The following MLLT10 variants were observed in gnomAD, a reference collection of about 807,000 sequenced individuals.
MLLT10 encodes the protein protein AF-10.
Under a neutral mutation model 129.1 loss-of-function variants are expected in MLLT10, and 30 were observed. The observed-to-expected ratio is 0.23, with a 90% CI of 0.17 to 0.32. MLLT10 has a LOEUF of 0.32. Ranked by LOEUF, MLLT10 falls within the 10% of genes least tolerant of loss-of-function variation. MLLT10 has a pLI of 1.00. For synonymous variants in MLLT10, 490 were observed against 446.4 expected, an observed-to-expected ratio of 1.10 and a Z score of -1.23; for missense variants, 1,119 against 1,268.3, an observed-to-expected ratio of 0.88 and a Z score of 1.79.
At chr10:21,548,771 A>G (rs933615135) in intron 3 of MLLT10, among the ~76,000 whole-genome samples, 28 of 152,090 alleles carry the variant, frequency 1.8e-4, no homozygotes, top group African/African-American at 6.5e-4. Context: ...GTAAATTTCT[A>G]GAATTTTTGT....
chr10:21,709,543 T>C (rs903642050), intron 13 of MLLT10, among the ~76,000 whole-genome samples: 1 of 152,254 alleles, frequency 6.6e-6, no homozygotes, highest in African/African-American at 2.4e-5. Flanking sequence ...AGTATTTTAT[T>C]TTCTAAGATA....
chr10:21,535,233 T>C (rs1014656609), intron 2 of MLLT10, among the ~76,000 whole-genome samples: 2 of 152,060 alleles, frequency 1.3e-5, no homozygotes, highest in African/African-American at 4.8e-5. Flanking sequence ...TGCAGCCGCC[T>C]GTCTGCCGCA....
chr10:21,625,869 A>C (rs542890860), intron 8 of MLLT10: 4 of 779,652 alleles, frequency 5.1e-6, no homozygotes, highest in Admixed American at 3.4e-5. Flanking sequence ...CGTAGATCCC[A>C]AATGGGACTG....
At chr10:21,539,993 A>C (rs1047872629) in intron 3 of MLLT10, among the ~76,000 whole-genome samples, 1 of 151,588 alleles carries the variant, frequency 6.6e-6, no homozygotes. Context: ...AGTGACTCAC[A>C]CCTGTAATCC....
chr10:21,741,576 T>TA (rs1379025816), intron 22 of MLLT10, among the ~76,000 whole-genome samples: 1 of 152,138 alleles, frequency 6.6e-6, no homozygotes, highest in Admixed American at 6.5e-5. Context: ...CAAGGACAAA[T>TA]AGCAAATGTG....
chr10:21,704,549 C>T (rs916969394), intron 13 of MLLT10, among the ~76,000 whole-genome samples: 2 of 147,196 alleles, frequency 1.4e-5, no homozygotes, highest in Non-Finnish European at 3.0e-5. Flanking sequence ...TTTTTAAAAA[C>T]TTTTTAATGG....
Position 21,742,272 on chromosome 10 carries a change from C to A in MLLT10, c.*289C>A, listed in dbSNP as rs902069518. On this transcript the variant is annotated 3_prime_UTR_variant, in exon 23 of 23. Transcript: ENST00000307729. ...CATAATTTACATGCAATATGTTTAT[C>A]AACTCAAGAATTTAATATAGTTGGT... The A allele has an allele frequency of 2.1e-5, 7 of 339,494 alleles. No individual in the cohort carries two copies. The highest frequency in any genetic ancestry group is 3.7e-5 in the Non-Finnish European group (7 of 188,286). 21.0% of individuals were successfully genotyped at this position (339,494 alleles called of 1,614,324 possible).
At position 21,732,928 on chromosome 10, in the gene MLLT10, C is replaced by T. The variant is rs760399634; in HGVS notation, c.2248C>T (p.Leu750Phe). Residue 750 changes from leucine to phenylalanine, a missense_variant, in exon 18 of 23, where the codon CTT becomes TTT. By Grantham distance (22) the Leu-to-Phe change is conservative. Coordinates refer to ENST00000307729, the MANE Select transcript of MLLT10 (RefSeq NM_001195626.3). ...ILGMLKSLHQ[L>F]QVENRRLEEQ... ...AGGAATGCTGAAGTCATTACACCAA[C>T]TTCAAGTTGAAAACCGAAGATTAGA... The T allele has an allele frequency of 9.9e-6, 16 of 1,613,894 alleles. No homozygotes were observed. The South Asian group carries it at 1.8e-4, about 18-fold the overall frequency.
intron 8 of MLLT10, among the ~76,000 whole-genome samples, chr10:21,641,464 A>G (rs1466988148): frequency 6.6e-6 from 1 of 152,174 alleles, no homozygotes; most frequent in Non-Finnish European, 1.5e-5. Flanking sequence ...ATAGATGGAA[A>G]AGAAAGAGAC....
rs1263023182 is a variant in MLLT10 at position 21,539,861 on chromosome 10, C to A, written c.240+949C>A. 2.0e-5 allele frequency among the ~76,000 whole-genome samples: 3 copies of A among 151,922 alleles called. No individual in the cohort carries two copies. In the East Asian group the frequency reaches 5.8e-4, roughly 29 times the overall value. On this transcript the variant is annotated intron_variant, in intron 3 of 22. Coordinates refer to ENST00000307729, the MANE Select transcript of MLLT10 (RefSeq NM_001195626.3). The stretch of plus-strand genomic sequence containing the variant: ...TTGGGAGGCTGAGGCAGGAGAATGG[C>A]GTGAACCTGGGAGGCGGAGGTTGCA...
intron 9 of MLLT10, among the ~76,000 whole-genome samples, chr10:21,657,792 T>A (rs1242125344): frequency 6.6e-6 from 1 of 152,198 alleles, no homozygotes; most frequent in Non-Finnish European, 1.5e-5. Context: ...TTTAAGTAAA[T>A]CCTTTCAATT....
intron 3 of MLLT10, among the ~76,000 whole-genome samples, chr10:21,551,383 C>T (rs1390699535): frequency 8.9e-6 from 1 of 112,440 alleles, no homozygotes; most frequent in Non-Finnish European, 1.7e-5. Context: ...AATAGAATGT[C>T]TTTAAAGTTG....
chr10:21,559,702 T>C (rs1044274914), intron 3 of MLLT10, among the ~76,000 whole-genome samples: 1 of 152,204 alleles, frequency 6.6e-6, no homozygotes, highest in Non-Finnish European at 1.5e-5. Context: ...TGGAATCTTA[T>C]ATTTGTTCTT....
intron 3 of MLLT10, among the ~76,000 whole-genome samples, chr10:21,572,657 G>T (rs1201190410): frequency 2.6e-5 from 4 of 151,084 alleles, no homozygotes; most frequent in African/African-American, 9.7e-5. Flanking sequence ...GTCTTACTCT[G>T]TTGCCTCGCT....
At chr10:21,617,289 C>A in intron 8 of MLLT10, 82 bp downstream of exon 8, 4 of 576,232 alleles carry the variant, frequency 6.9e-6, no homozygotes, top group Non-Finnish European at 1.1e-5. Flanking sequence ...AAATTACATT[C>A]TTGATAGTTA....
At chr10:21,635,018 C>G (rs2047330371) in intron 8 of MLLT10, among the ~76,000 whole-genome samples, 1 of 152,210 alleles carries the variant, frequency 6.6e-6, no homozygotes, top group South Asian at 2.1e-4. Context: ...GTGGAGGTAG[C>G]ATATCTACTT....
chr10:21,680,503 C>A (rs1233014641), intron 11 of MLLT10, among the ~76,000 whole-genome samples: 2 of 152,020 alleles, frequency 1.3e-5, no homozygotes, highest in Admixed American at 1.3e-4. Flanking sequence ...ACCCAGCCAT[C>A]TTTCTCAAAA....
In MLLT10 at chr10:21,737,211, T is replaced by C. The variant is rs546707620; in HGVS notation, c.2955+1976T>C. On this transcript the variant is annotated intron_variant, in intron 21 of 22. Coordinates refer to ENST00000307729, the MANE Select transcript of MLLT10 (RefSeq NM_001195626.3). ...ACAGGGACTGTTTCTTTCTTAAAGGTTGTCTAGAGGCTTTTTACAGTTTGG... is the reference window on the plus strand; with the variant it reads ...ACAGGGACTGTTTCTTTCTTAAAGGCTGTCTAGAGGCTTTTTACAGTTTGG... Among the ~76,000 whole-genome samples the C allele has an allele frequency of 1.3e-4, 6 of 46,032 alleles. No homozygotes were observed. The East Asian group carries it at 0.011, about 81-fold the overall frequency. 30.2% of individuals were successfully genotyped at this position (46,032 alleles called of 152,430 possible). A position where few individuals can be genotyped will look rare whatever the true frequency, so the allele number is the denominator to read the frequency against.
At chr10:21,697,122 AGAG>A (rs1216621141) in intron 13 of MLLT10, among the ~76,000 whole-genome samples, 13 of 148,742 alleles carry the variant, frequency 8.7e-5, no homozygotes, top group South Asian at 2.2e-4. Flanking sequence ...AAAAAAAAAA[AGAG>A]GGAGAATTTA....
Sources: gnomAD v4.1 joint callset for allele counts (sites outside exome capture counted in the v4.1 genomes callset) on GRCh38, gnomAD v4.1.1 for gene constraint, MANE v1.5 for transcripts, NCBI Gene and HGNC (gene_info 2026-07-23, HGNC 2026-07-21) for gene names.